SCN2A: variants seen among roughly 807,000 people sequenced by gnomAD.
The protein encoded by SCN2A is sodium voltage-gated channel alpha subunit 2, also known as sodium channel protein type 2 subunit alpha.
A neutral mutation model predicts 188.7 loss-of-function variants in SCN2A; 20 were observed. That is an observed-to-expected ratio of 0.11 (90% CI 0.07 to 0.15). SCN2A has a LOEUF of 0.15. Ranked by LOEUF, SCN2A falls within the 10% of genes least tolerant of loss-of-function variation. The pLI, the probability that SCN2A is intolerant of heterozygous loss-of-function variation, is 1.00. For missense variants in SCN2A, 1,278 were observed against 2,445.0 expected (o/e 0.52, Z 10.07); for synonymous variants, 804 against 833.1 (o/e 0.97, Z 0.60).
intron 1 of SCN2A, among the ~76,000 whole-genome samples, chr2:165,289,598 T>C (rs1696008525): frequency 2.0e-5 from 3 of 152,034 alleles, no homozygotes; most frequent in Admixed American, 1.3e-4. Flanking sequence ...TCATAAAATA[T>C]CAGTATGATG....
chr2:165,372,872 A>T (rs1701113902), intron 20 of SCN2A: 1 of 244,436 alleles, frequency 4.1e-6, no homozygotes, highest in Non-Finnish European at 8.0e-6. Context: ...AGTTTTACAG[A>T]TCTGTAGAGG....
rs1700085400 is a variant in SCN2A, at chr2:165,354,570, A to G, written c.3298A>G (p.Ser1100Gly). ...SDYMSFINNP[S>G]LTVTVPIAVG... ...TTACATGTCATTTATAAACAACCCTAGCCTCACTGTGACAGTACCAATTGC... is the reference window on the plus strand; with the variant it reads ...TTACATGTCATTTATAAACAACCCTGGCCTCACTGTGACAGTACCAATTGC... The change falls in exon 17 of 27, where the codon AGC (serine) becomes GGC (glycine). Residue 1100 changes from serine to glycine, a missense_variant. Coordinates refer to ENST00000375437, the MANE Select transcript of SCN2A (RefSeq NM_001040142.2). 3 of 1,614,016 alleles carry G rather than the reference A, an allele frequency of 1.9e-6. No homozygotes were observed. Among genetic ancestry groups the G allele is most frequent in the Non-Finnish European group, 2.5e-6 (3 of 1,180,006 alleles).
chr2:165,297,680 G>A (rs974671874), intron 3 of SCN2A, among the ~76,000 whole-genome samples: 21 of 152,128 alleles, frequency 1.4e-4, no homozygotes, highest in African/African-American at 4.3e-4. Flanking sequence ...AATTTGTTTC[G>A]CAACAGCCTT....
chr2:165,265,517 T>TATATA, intron 1 of SCN2A, among the ~76,000 whole-genome samples: 1 of 38,980 alleles, frequency 2.6e-5, no homozygotes, highest in African/African-American at 9.0e-5. Context: ...ATATATATAT[T>TATATA]GCTGTGCAGA....
chr2:165,254,107 A>C (rs1039023497), intron 1 of SCN2A, among the ~76,000 whole-genome samples: 1 of 151,874 alleles, frequency 6.6e-6, no homozygotes, highest in Admixed American at 6.6e-5. Context: ...GATTTGAGAC[A>C]GATCAACTTC....
In SCN2A at chr2:165,353,925, GA is replaced by G. The variant is rs201300416; in HGVS notation, c.2920-265del. On this transcript the variant is annotated intron_variant, in intron 16 of 26. Transcript: ENST00000375437. ...TACAGTTGTCTATATTTATCTTTTGGAACTGAGCTTAATAGAAATGTTTCAT... is the reference window on the plus strand; with the variant it reads ...TACAGTTGTCTATATTTATCTTTTGGACTGAGCTTAATAGAAATGTTTCAT... Among the ~76,000 whole-genome samples the G allele has an allele frequency of 0.062, 9,417 of 151,998 alleles. 385 individuals carry two copies. The highest frequency in any genetic ancestry group is 0.092 in the Non-Finnish European group (6,269 of 67,974).
chr2:165,303,959 C>T (rs1318983093), intron 3 of SCN2A, among the ~76,000 whole-genome samples: 1 of 151,986 alleles, frequency 6.6e-6, no homozygotes, highest in Non-Finnish European at 1.5e-5. Context: ...CTAAATTATA[C>T]CACTATAAAG....
intron 1 of SCN2A, among the ~76,000 whole-genome samples, chr2:165,291,364 C>A (rs1191799218): frequency 0.045 from 2,761 of 61,242 alleles, 73 homozygotes; most frequent in Non-Finnish European, 0.064. Context: ...TCCTTCCTTC[C>A]TTCCTTCCTT....
chr2:165,266,565 CA>C (rs1304918161), intron 1 of SCN2A: 1 of 152,124 alleles, frequency 6.6e-6, no homozygotes, highest in East Asian at 1.9e-4. Context: ...GATCAACATG[CA>C]GTCAAACTTC....
chr2:165,278,313 A>G (rs141199104), intron 1 of SCN2A, among the ~76,000 whole-genome samples: 1,843 of 152,306 alleles, frequency 0.012, 15 homozygotes, highest in Non-Finnish European at 0.017. Flanking sequence ...AAAGAGGTTT[A>G]ATTGATTCTA....
At position 165,352,745 on chromosome 2, in the gene SCN2A, A is replaced by G. The variant is rs75362920; in HGVS notation, c.2920-1447A>G. 5.1e-3 allele frequency among the ~76,000 whole-genome samples: 770 copies of G among 152,290 alleles called. 6 individuals carry two copies. Among genetic ancestry groups the G allele is most frequent in the African/African-American group, 0.018 (736 of 41,568 alleles). On this transcript the variant is annotated intron_variant, in intron 16 of 26. Coordinates refer to ENST00000375437, the MANE Select transcript of SCN2A (RefSeq NM_001040142.2). Reference sequence around the variant, plus strand: ...TTACCTTCAGGCTATGTGTATGTGTATGAAACTTAAATGAATTTTATGTTT... The same window carrying G: ...TTACCTTCAGGCTATGTGTATGTGTGTGAAACTTAAATGAATTTTATGTTT...
intron 1 of SCN2A, among the ~76,000 whole-genome samples, chr2:165,244,173 C>T (rs1163808604): frequency 2.0e-5 from 3 of 151,914 alleles, no homozygotes; most frequent in Non-Finnish European, 2.9e-5. Context: ...ACCCAGGAGG[C>T]GGAGGTTGCA....
intron 1 of SCN2A, among the ~76,000 whole-genome samples, chr2:165,242,837 G>C (rs941437182): frequency 6.6e-6 from 1 of 152,198 alleles, no homozygotes; most frequent in Non-Finnish European, 1.5e-5. Flanking sequence ...GGAAGAAAGG[G>C]TGGTTGATGA....
intron 16 of SCN2A, among the ~76,000 whole-genome samples, chr2:165,348,386 C>T: frequency 6.7e-6 from 1 of 148,770 alleles, no homozygotes. Flanking sequence ...AGCATATACT[C>T]TTTAGACATG....
chr2:165,291,472 T>TTC (rs1181285252), intron 1 of SCN2A, among the ~76,000 whole-genome samples: 3 of 41,738 alleles, frequency 7.2e-5, no homozygotes, highest in Non-Finnish European at 1.7e-4. Flanking sequence ...CTTTCTTTCT[T>TTC]TCTTTCTTTC....
chr2:165,362,065 T>C (rs1037228449), intron 17 of SCN2A, among the ~76,000 whole-genome samples: 1 of 152,048 alleles, frequency 6.6e-6, no homozygotes, highest in African/African-American at 2.4e-5. Flanking sequence ...CACTGGTCAT[T>C]CATTCATTTA....
chr2:165,318,242 A>C (rs890488556), intron 11 of SCN2A, among the ~76,000 whole-genome samples: 2 of 152,180 alleles, frequency 1.3e-5, no homozygotes, highest in African/African-American at 4.8e-5. Flanking sequence ...AGTAAGTGGA[A>C]ATATGAATTG....
Position 165,310,541 on chromosome 2 carries a change from A to T in SCN2A, c.916A>T (p.Thr306Ser), listed in dbSNP as rs370114048. The T allele has an allele frequency of 2.5e-6, 4 of 1,612,862 alleles. No homozygotes were observed. In the African/African-American group the frequency reaches 5.3e-5, roughly 22 times the overall value. The change falls in exon 7 of 27, where the codon ACT (threonine) becomes TCT (serine). Residue 306 changes from threonine (T) to serine (S), a missense_variant. Thr to Ser is a moderately conservative substitution (Grantham distance 58). Coordinates refer to ENST00000375437, the MANE Select transcript of SCN2A (RefSeq NM_001040142.2). ...CAATTCATTGGATGGGAATGGTACT[A>T]CTTTCAATAGGACAGTGAGCATATT... is the stretch of plus-strand genomic sequence containing the variant. ...FNNSLDGNGTTFNRTVSIFNW... is the reference protein window; with the variant it reads ...FNNSLDGNGTSFNRTVSIFNW...
intron 17 of SCN2A, 69 bp from the exon 18 acceptor site, chr2:165,365,074 C>A: frequency 2.2e-6 from 3 of 1,386,552 alleles, no homozygotes; most frequent in Non-Finnish European, 3.0e-6. Context: ...GGGGGGCACA[C>A]CTAATTAATT....
Sources: allele counts gnomAD v4.1 joint callset (sites outside exome capture counted in the v4.1 genomes callset), GRCh38; gene constraint gnomAD v4.1.1; transcripts MANE v1.5; gene names NCBI Gene and HGNC (gene_info 2026-07-23, HGNC 2026-07-21).